Variants in HNRNPM observed in about 807,000 individuals in gnomAD.
HNRNPM encodes the protein heterogeneous nuclear ribonucleoprotein M, also known as CEA receptor.
A neutral mutation model predicts 73.1 loss-of-function variants in HNRNPM; 11 were observed. The ratio of observed to expected loss-of-function variants is 0.15; its 90% CI spans 0.09 to 0.25. The LOEUF is 0.25. HNRNPM is among the 10% of genes least tolerant of loss of function. HNRNPM has a pLI of 1.00. For missense variants in HNRNPM, 789 were observed against 1,067.9 expected (o/e 0.74, Z 3.64); for synonymous variants, 407 against 355.2 (o/e 1.15, Z -1.64).
At chr19:8,475,111 A>G (rs1028775772) in intron 12 of HNRNPM, among the ~76,000 whole-genome samples, 2 of 152,240 alleles carry the variant, frequency 1.3e-5, no homozygotes, top group Non-Finnish European at 1.5e-5. Flanking sequence ...ACATACTGCT[A>G]TCCTTGTTTC....
chr19:8,474,306 A>C (rs976374938), intron 12 of HNRNPM, 62 bp downstream of exon 12: 20 of 1,209,816 alleles, frequency 1.7e-5, no homozygotes, highest in Non-Finnish European at 1.7e-5. Context: ...CTCTCAGGTG[A>C]CTTTTAGGCT....
At chr19:8,479,117 G>A (rs1397660136) in intron 12 of HNRNPM, among the ~76,000 whole-genome samples, 1 of 108,860 alleles carries the variant, frequency 9.2e-6, no homozygotes. Flanking sequence ...ACAGAGTCTC[G>A]CTTTGTTGCC....
intron 6 of HNRNPM, 105 bp downstream of exon 6, chr19:8,465,620 A>C: frequency 1.2e-6 from 1 of 840,078 alleles, no homozygotes; most frequent in Non-Finnish European, 1.8e-6. Flanking sequence ...GAAAAATGTA[A>C]AGAAGGGTTT....
chr19:8,445,304 C>T, intron 1 of HNRNPM, 193 bp downstream of exon 1: 1 of 447,538 alleles, frequency 2.2e-6, no homozygotes, highest in Non-Finnish European at 3.7e-6. Context: ...GAATCGTCCC[C>T]TACACCGGGC....
chr19:8,466,088 TA>T, intron 6 of HNRNPM, 146 bp from the exon 7 acceptor site: 1 of 726,402 alleles, frequency 1.4e-6, no homozygotes, highest in Non-Finnish European at 2.3e-6. Flanking sequence ...AATCCTATTT[TA>T]AAATTTCCAT....
chr19:8,457,672 T>G (rs1425336697), intron 2 of HNRNPM, among the ~76,000 whole-genome samples: 1 of 152,228 alleles, frequency 6.6e-6, no homozygotes, highest in Non-Finnish European at 1.5e-5. Context: ...CTAAAGAAAT[T>G]TACTGTGTTT....
Position 8,485,935 on chromosome 19 carries a change from C to A in HNRNPM, c.1507C>A (p.Arg503Ser). The A allele has an allele frequency of 6.2e-7, 1 of 1,605,092 alleles. No homozygotes were observed. The highest frequency in any genetic ancestry group is 8.5e-7 in the Non-Finnish European group (1 of 1,179,262). ...TGAGCGCATGGCCGCTCCCATCGAC[C>A]GTGTGGGCCAGACCATTGAGCGCAT... The part of the protein sequence containing the change: ...GLERMAAPID[R>S]VGQTIERMGS... Residue 503 changes from arginine (R) to serine (S), a missense_variant, in exon 14 of 16, where the codon CGT becomes AGT. Arg to Ser is a moderately radical substitution (Grantham distance 110). This residue lies in a region of HNRNPM where 604 missense variants were observed against 744.0 expected (regional missense o/e 0.81). Coordinates refer to ENST00000325495, the MANE Select transcript of HNRNPM (RefSeq NM_005968.5).
chr19:8,481,477 G>C (rs1037801834), intron 12 of HNRNPM: 3 of 148,714 alleles, frequency 2.0e-5, no homozygotes, highest in Admixed American at 6.9e-5. Flanking sequence ...GGGGAGGCCT[G>C]TGAATGCCGA....
chr19:8,465,464 T>A lies in HNRNPM; in HGVS notation c.579T>A (p.Ile193=), dbSNP rs773293941. The A allele has an allele frequency of 4.3e-6, 7 of 1,613,768 alleles. No individual in the cohort carries two copies. In the East Asian group the frequency reaches 1.6e-4, roughly 36 times the overall value. ...ILNNPNIPNE[I]IHALQAGRLG... ...ATAATCCCAACATCCCAAATGAGAT[T>A]ATCCATGCATTACAGGCTGGAAGAC... Residue 193 remains isoleucine, a synonymous_variant, in exon 6 of 16, where the codon ATT becomes ATA. Coordinates refer to ENST00000325495, the MANE Select transcript of HNRNPM (RefSeq NM_005968.5).
chr19:8,484,394 C>T (rs1245114202), intron 13 of HNRNPM, among the ~76,000 whole-genome samples: 3 of 152,092 alleles, frequency 2.0e-5, no homozygotes, highest in East Asian at 1.9e-4. Flanking sequence ...CCAGGCTGGT[C>T]GCGAACTCCT....
intron 2 of HNRNPM, among the ~76,000 whole-genome samples, chr19:8,459,544 A>G (rs913694918): frequency 2.6e-5 from 4 of 152,182 alleles, no homozygotes; most frequent in Admixed American, 1.3e-4. Context: ...AATGTTTGAC[A>G]ACATGCCTGA....
At chr19:8,475,931 A>G (rs144107775) in intron 12 of HNRNPM, among the ~76,000 whole-genome samples, 1 of 142,706 alleles carries the variant, frequency 7.0e-6, no homozygotes, top group East Asian at 2.1e-4. Context: ...TTTTTTTTTA[A>G]GAACAGATTA....
chr19:8,465,955 A>G (rs150578644), intron 6 of HNRNPM, among the ~76,000 whole-genome samples: 120 of 152,254 alleles, frequency 7.9e-4, no homozygotes, highest in African/African-American at 2.8e-3. Context: ...CAGGGAAACA[A>G]TTTTTTAAAA....
chr19:8,466,751 G>T (rs1032086552), intron 7 of HNRNPM, among the ~76,000 whole-genome samples: 1 of 148,988 alleles, frequency 6.7e-6, no homozygotes, highest in African/African-American at 2.5e-5. Context: ...GCTTGAACCC[G>T]GGAGGTGGAG....
intron 12 of HNRNPM, among the ~76,000 whole-genome samples, chr19:8,474,911 C>A (rs1970397910): frequency 6.6e-6 from 1 of 152,242 alleles, no homozygotes; most frequent in African/African-American, 2.4e-5. Context: ...GTCGGAGTTT[C>A]ACCATGTTGG....
chr19:8,471,165 A>G (rs571262182), intron 9 of HNRNPM, among the ~76,000 whole-genome samples, 161 bp from the exon 10 acceptor site: 1 of 128,592 alleles, frequency 7.8e-6, no homozygotes, highest in East Asian at 2.7e-4. Context: ...TCTGTTTCCA[A>G]GTGTGCCGAT....
intron 12 of HNRNPM, among the ~76,000 whole-genome samples, chr19:8,480,020 G>A (rs928357716): frequency 6.9e-6 from 1 of 145,306 alleles, no homozygotes; most frequent in Non-Finnish European, 1.5e-5. Flanking sequence ...TGATTCACAC[G>A]CCTCGGCCTC....
chr19:8,471,848 G>T (rs1405078179), intron 10 of HNRNPM, among the ~76,000 whole-genome samples: 11 of 152,126 alleles, frequency 7.2e-5, no homozygotes, highest in Admixed American at 7.2e-4. Flanking sequence ...CACAGCTGCT[G>T]CTAGAGAGCT....
At chr19:8,461,153 A>G (rs911546156) in intron 2 of HNRNPM, among the ~76,000 whole-genome samples, 1 of 152,222 alleles carries the variant, frequency 6.6e-6, no homozygotes, top group Non-Finnish European at 1.5e-5. Flanking sequence ...GAAACATTTC[A>G]GGAGAGGACA....
Sources: gnomAD v4.1 joint callset for allele counts (sites outside exome capture counted in the v4.1 genomes callset) on GRCh38, gnomAD v4.1.1 for gene constraint, gnomAD v4.1.1 regional missense constraint, MANE v1.5 for transcripts, NCBI Gene and HGNC (gene_info 2026-07-23, HGNC 2026-07-21) for gene names.